The following ENOX2 variants were observed in gnomAD, a reference collection of about 807,000 sequenced individuals.
ENOX2 encodes ecto-NOX disulfide-thiol exchanger 2.
A neutral mutation model predicts 45.0 loss-of-function variants in ENOX2; 36 were observed. That is an observed-to-expected ratio of 0.80 (90% CI 0.61 to 1.06). ENOX2 has a LOEUF of 1.06. Among genes scored for constraint, ENOX2 ranks in the 50% least tolerant of loss-of-function variants. The pLI is 0.00. For synonymous variants in ENOX2, 174 were observed against 152.3 expected (o/e 1.14, Z -1.05); for missense variants, 423 against 462.5 (o/e 0.91, Z 0.78).
chrX:130,643,529 G>C (rs1476763801), intron 10 of ENOX2, among the ~76,000 whole-genome samples: 2 of 111,816 alleles, frequency 1.8e-5, no homozygotes, highest in African/African-American at 6.5e-5. Context: ...TTAAAAGAAA[G>C]TGGAAGTGGC....
intron 3 of ENOX2, among the ~76,000 whole-genome samples, chrX:130,719,503 G>A (rs1157087950): frequency 2.8e-5 from 3 of 107,867 alleles, no homozygotes; most frequent in African/African-American, 6.8e-5. Context: ...AAACACATAC[G>A]AAAGGCTGTT....
At chrX:130,740,763 C>A (rs1361619671) in intron 3 of ENOX2, among the ~76,000 whole-genome samples, 1 of 111,896 alleles carries the variant, frequency 8.9e-6, no homozygotes, top group African/African-American at 3.3e-5. Flanking sequence ...GGGCTGTCTG[C>A]CTTTCATAAC....
intron 2 of ENOX2, among the ~76,000 whole-genome samples, chrX:130,879,696 A>G (rs921513100): frequency 8.0e-5 from 9 of 112,186 alleles, no homozygotes; most frequent in Non-Finnish European, 1.5e-4. Context: ...AAAATAATTT[A>G]TGTAAATATC....
chrX:130,803,419 CA>C (rs1375617808), intron 2 of ENOX2, among the ~76,000 whole-genome samples: 1 of 111,709 alleles, frequency 9.0e-6, no homozygotes, highest in African/African-American at 3.3e-5. Flanking sequence ...TGGACCACCA[CA>C]AAAGAGAGCC....
At chrX:130,851,962 T>C (rs757960062) in intron 2 of ENOX2, among the ~76,000 whole-genome samples, 9 of 112,219 alleles carry the variant, frequency 8.0e-5, no homozygotes, top group Admixed American at 5.6e-4. Flanking sequence ...AAGCAAAATG[T>C]GGAAATTTCT....
chrX:130,675,326 G>A (rs975893248), intron 6 of ENOX2, among the ~76,000 whole-genome samples: 3 of 111,467 alleles, frequency 2.7e-5, no homozygotes, highest in African/African-American at 9.8e-5. Flanking sequence ...GGTGTGAGAT[G>A]GTATCTCATT....
intron 2 of ENOX2, among the ~76,000 whole-genome samples, chrX:130,871,357 C>A (rs1256759568): frequency 1.8e-5 from 2 of 111,469 alleles, no homozygotes; most frequent in African/African-American, 6.5e-5. Context: ...AACTTGCAAT[C>A]ATTTCCTCCC....
chrX:130,800,241 T>C (rs775833300), intron 2 of ENOX2, among the ~76,000 whole-genome samples: 2 of 110,650 alleles, frequency 1.8e-5, no homozygotes, highest in African/African-American at 3.3e-5. Flanking sequence ...AAGCCAAGCA[T>C]GGTAGTTGTG....
At chrX:130,893,818 C>G (rs188380658) in intron 2 of ENOX2, among the ~76,000 whole-genome samples, 5 of 112,084 alleles carry the variant, frequency 4.5e-5, no homozygotes, top group Admixed American at 1.9e-4. Context: ...TAGCCACTTC[C>G]TGACATCTCT....
In ENOX2 at chrX:130,791,533, T is replaced by C. The variant is rs184714467; in HGVS notation, c.-182-7843A>G. Among the ~76,000 whole-genome samples, 502 of 111,770 alleles carry C rather than the reference T, an allele frequency of 4.5e-3. 2 individuals carry two copies. The highest frequency in any genetic ancestry group is 0.015 in the African/African-American group (475 of 30,728). On this transcript the variant is annotated intron_variant, in intron 2 of 14. Transcript: ENST00000394363. The stretch of plus-strand genomic sequence containing the variant: ...CTTCTCTTACCACGCTGGGCAGCAG[T>C]GGTCAGCTGCGGCTCTCAGTGAGTC...
At position 130,793,222 on chromosome X, in the gene ENOX2, G is replaced by A. The variant is rs185897384; in HGVS notation, c.-182-9532C>T. ...ATGTCAATGCCCTTCTAACCCAATG[G>A]GGGGTTTATATAAATTTGTCTCAAA... On this transcript the variant is annotated intron_variant, in intron 2 of 14. Coordinates refer to ENST00000394363, the MANE Select transcript of ENOX2 (RefSeq NM_006375.4). Among the ~76,000 whole-genome samples, 4 of 112,524 alleles carry A rather than the reference G, an allele frequency of 3.6e-5. No homozygotes were observed. The East Asian group carries it at 1.1e-3, about 31-fold the overall frequency.
intron 2 of ENOX2, among the ~76,000 whole-genome samples, chrX:130,863,946 G>A (rs112222399): frequency 5.4e-5 from 6 of 110,559 alleles, no homozygotes. Context: ...TTTAAGTGGA[G>A]TTGTTAATGT....
intron 5 of ENOX2, among the ~76,000 whole-genome samples, chrX:130,687,647 A>G (rs903598290): frequency 1.3e-4 from 15 of 112,494 alleles, no homozygotes; most frequent in Admixed American, 9.4e-5. Context: ...TCCTTGTGAC[A>G]TACTAGCTCT....
chrX:130,769,212 C>G (rs1413308293), intron 3 of ENOX2, among the ~76,000 whole-genome samples: 1 of 111,262 alleles, frequency 9.0e-6, no homozygotes, highest in Non-Finnish European at 1.9e-5. Flanking sequence ...TATGTCATTC[C>G]TTCTTAGGAC....
rs1022683693 is a variant in ENOX2 at position 130,729,502 on chromosome X, C to T, written c.-38-26248G>A. ...TGTTAATTAACTACTACCTTTCTACCGTGACTATTTTTTTTGCTTCCTGCC... is the reference window on the plus strand; with the variant it reads ...TGTTAATTAACTACTACCTTTCTACTGTGACTATTTTTTTTGCTTCCTGCC... On this transcript the variant is annotated intron_variant, in intron 3 of 14. Transcript: ENST00000394363. Among the ~76,000 whole-genome samples the T allele has an allele frequency of 8.1e-5, 9 of 111,571 alleles. No homozygotes were observed. The East Asian group carries it at 1.1e-3, about 14-fold the overall frequency.
chrX:130,645,832 A>T, intron 10 of ENOX2: 1 of 705,196 alleles, frequency 1.4e-6, no homozygotes, highest in Non-Finnish European at 2.3e-6. Flanking sequence ...ACCTCCAGGC[A>T]GGAGGAGAGG....
chrX:130,896,951 A>G (rs2079066226), intron 2 of ENOX2, among the ~76,000 whole-genome samples: 1 of 112,435 alleles, frequency 8.9e-6, no homozygotes, highest in Non-Finnish European at 1.9e-5. Context: ...ATCACTTAAC[A>G]ATGCAAGAAT....
chrX:130,668,209 A>G (rs2036890206), intron 7 of ENOX2, among the ~76,000 whole-genome samples: 1 of 110,711 alleles, frequency 9.0e-6, no homozygotes, highest in East Asian at 2.8e-4. Flanking sequence ...AGCAAACTTG[A>G]ATCCTGAGTT....
intron 10 of ENOX2, among the ~76,000 whole-genome samples, chrX:130,648,299 A>G (rs1166944969): frequency 9.1e-6 from 1 of 110,042 alleles, no homozygotes; most frequent in African/African-American, 3.3e-5. Context: ...TTAGCCGGGT[A>G]TGGTGGTGCA....
Sources: gnomAD v4.1 joint callset for allele counts (sites outside exome capture counted in the v4.1 genomes callset) on GRCh38, gnomAD v4.1.1 for gene constraint, MANE v1.5 for transcripts, NCBI Gene and HGNC (gene_info 2026-07-23, HGNC 2026-07-21) for gene names.